The following PHTF2 variants were observed in gnomAD, a reference collection of about 807,000 sequenced individuals.
PHTF2 encodes putative homeodomain transcription factor 2.
PHTF2 carries 60 observed loss-of-function variants against 101.2 expected under a neutral mutation model. The ratio of observed to expected loss-of-function variants is 0.59; its 90% CI spans 0.48 to 0.73. The LOEUF is 0.73. PHTF2 is among the 30% of genes least tolerant of loss of function. The pLI, the probability that PHTF2 is intolerant of heterozygous loss-of-function variation, is 0.00. For synonymous variants in PHTF2, 311 were observed against 307.3 expected, an observed-to-expected ratio of 1.01 and a Z score of -0.13; for missense variants, 747 against 908.7, an observed-to-expected ratio of 0.82 and a Z score of 2.29.
At chr7:77,856,022 A>T (rs1396902295) in intron 3 of PHTF2, among the ~76,000 whole-genome samples, 1 of 152,188 alleles carries the variant, frequency 6.6e-6, no homozygotes, top group Non-Finnish European at 1.5e-5. Context: ...TTCTTCTGGT[A>T]GCATGATTGC....
rs1584377447 is a variant in PHTF2 at position 77,816,324 on chromosome 7, C to T, written c.-36+17353C>T. Among the ~76,000 whole-genome samples the T allele has an allele frequency of 7.2e-5, 11 of 152,254 alleles. No homozygotes were observed. The South Asian group carries it at 2.3e-3, about 32-fold the overall frequency. ...TCCTGACCTCAAGTGATCTGCCTGC[C>T]TCGGCCTCCCAAAGTGCTGGGATTT... On this transcript the variant is annotated intron_variant, in intron 1 of 19. Transcript: ENST00000416283.
At chr7:77,930,314 C>G (rs1804447418) in intron 12 of PHTF2, among the ~76,000 whole-genome samples, 1 of 152,146 alleles carries the variant, frequency 6.6e-6, no homozygotes, top group Non-Finnish European at 1.5e-5. Flanking sequence ...TATTGGACAG[C>G]ACGATTTTAT....
chr7:77,937,183 C>T lies in PHTF2; in HGVS notation c.1339-527C>T, dbSNP rs567852601. 3.3e-5 allele frequency among the ~76,000 whole-genome samples: 5 copies of T among 152,040 alleles called. No homozygotes were observed. The South Asian group carries it at 1.0e-3, about 32-fold the overall frequency. On this transcript the variant is annotated intron_variant, in intron 12 of 19. Coordinates refer to ENST00000416283, the Ensembl canonical transcript of PHTF2. ...AAACGTTAAATATGTAAGGAAGAGT[C>T]TTTTTTGGGATAAGACTAGCACTAT...
At chr7:77,903,557 G>A (rs963287266) in intron 7 of PHTF2, among the ~76,000 whole-genome samples, 4 of 152,124 alleles carry the variant, frequency 2.6e-5, no homozygotes, top group South Asian at 2.1e-4. Flanking sequence ...TTACTTACTG[G>A]TTCCTCTAAG....
intron 12 of PHTF2, among the ~76,000 whole-genome samples, chr7:77,930,020 C>T (rs1804417789): frequency 7.1e-6 from 1 of 139,874 alleles, no homozygotes; most frequent in Non-Finnish European, 1.5e-5. Flanking sequence ...ATGGCACGAT[C>T]TTGACTCACT....
At chr7:77,925,936 G>A (rs1803958606) in intron 11 of PHTF2, among the ~76,000 whole-genome samples, 1 of 151,848 alleles carries the variant, frequency 6.6e-6, no homozygotes, top group Non-Finnish European at 1.5e-5. Context: ...CGTGCCTGTA[G>A]TCCCAGCCAC....
At chr7:77,873,618 T>C (rs892408848) in intron 3 of PHTF2, among the ~76,000 whole-genome samples, 1 of 152,104 alleles carries the variant, frequency 6.6e-6, no homozygotes, top group Non-Finnish European at 1.5e-5. Context: ...GGTTTATCTC[T>C]TCAGACAAAG....
intron 3 of PHTF2, among the ~76,000 whole-genome samples, chr7:77,882,309 C>G (rs944444643): frequency 6.6e-6 from 1 of 151,734 alleles, no homozygotes; most frequent in Non-Finnish European, 1.5e-5. Context: ...AATCTGTTTT[C>G]TTCCTTGAAA....
At chr7:77,946,421 T>C (rs1428099333) in intron 16 of PHTF2, among the ~76,000 whole-genome samples, 2 of 152,104 alleles carry the variant, frequency 1.3e-5, no homozygotes, top group Non-Finnish European at 2.9e-5. Flanking sequence ...TGATGGAGGG[T>C]ATTAATCAGC....
At chr7:77,926,265 T>TTAAAA (rs2150931248) in intron 11 of PHTF2, among the ~76,000 whole-genome samples, 2 of 152,340 alleles carry the variant, frequency 1.3e-5, no homozygotes, top group East Asian at 3.9e-4. Flanking sequence ...TATTAAAAGC[T>TTAAAA]TAATGTGTTC....
chr7:77,940,402 CTAAT>C (rs796095674), intron 14 of PHTF2, 100 bp downstream of exon 13: 13 of 1,279,720 alleles, frequency 1.0e-5, no homozygotes, highest in African/African-American at 4.6e-5. Context: ...TCATTTTTAC[CTAAT>C]TATTTTTTAT....
chr7:77,873,418 T>C (rs1192182365), intron 3 of PHTF2, among the ~76,000 whole-genome samples: 1 of 152,178 alleles, frequency 6.6e-6, no homozygotes, highest in Non-Finnish European at 1.5e-5. Context: ...CAGTTCTTTT[T>C]GAGTTTAGTG....
At chr7:77,813,492 A>G (rs1010840753) in intron 1 of PHTF2, among the ~76,000 whole-genome samples, 1 of 152,182 alleles carries the variant, frequency 6.6e-6, no homozygotes, top group African/African-American at 2.4e-5. Context: ...GATTAAAGAG[A>G]GGAGATGGAG....
chr7:77,918,718 C>T (rs1440046327), intron 9 of PHTF2, among the ~76,000 whole-genome samples: 1 of 152,142 alleles, frequency 6.6e-6, no homozygotes, highest in Non-Finnish European at 1.5e-5. Context: ...TGCCCATTTT[C>T]CTCTATCCTA....
chr7:77,947,039 G>A (rs1197953656), intron 16 of PHTF2, among the ~76,000 whole-genome samples: 4 of 151,494 alleles, frequency 2.6e-5, no homozygotes, highest in African/African-American at 4.9e-5. Context: ...AAGATCACCC[G>A]AGCCTTGGGA....
chr7:77,939,342 A>G (rs965906199), intron 13 of PHTF2, among the ~76,000 whole-genome samples: 7 of 152,152 alleles, frequency 4.6e-5, no homozygotes, highest in African/African-American at 1.4e-4. Context: ...GTGTTGGCTT[A>G]TGCCTGTAAT....
At chr7:77,875,517 A>G (rs1188218214) in intron 3 of PHTF2, among the ~76,000 whole-genome samples, 1 of 147,434 alleles carries the variant, frequency 6.8e-6, no homozygotes, top group Non-Finnish European at 1.5e-5. Flanking sequence ...TTGTTGACTA[A>G]TAATAACAGG....
intron 19 of PHTF2, 83 bp from the exon 19 acceptor site, chr7:77,954,775 A>T: frequency 1.3e-6 from 1 of 744,164 alleles, no homozygotes; most frequent in Non-Finnish European, 2.3e-6. Context: ...ATGAAATTTG[A>T]ATTTAAAAAT....
At chr7:77,904,533 C>G (rs1801677523) in intron 7 of PHTF2, among the ~76,000 whole-genome samples, 1 of 152,146 alleles carries the variant, frequency 6.6e-6, no homozygotes, top group Non-Finnish European at 1.5e-5. Flanking sequence ...GGTGGAAGTG[C>G]AAGAGTGAGG....
Sources: allele counts gnomAD v4.1 joint callset (sites outside exome capture counted in the v4.1 genomes callset), GRCh38; gene constraint gnomAD v4.1.1; transcripts MANE v1.5; gene names NCBI Gene and HGNC (gene_info 2026-07-23, HGNC 2026-07-21).